The following NOX3 variants were observed in gnomAD, a reference collection of about 807,000 sequenced individuals.
NOX3 encodes NADPH oxidase 3.
Under a neutral mutation model 76.7 loss-of-function variants are expected in NOX3, and 74 were observed. That is an observed-to-expected ratio of 0.96 (90% CI 0.80 to 1.17). The LOEUF (loss-of-function observed/expected upper bound fraction) is 1.17. Among genes scored for constraint, NOX3 ranks in the 50% most tolerant of loss-of-function variants. The pLI, the probability that NOX3 is intolerant of heterozygous loss-of-function variation, is 0.00. For missense variants in NOX3, 695 were observed against 703.3 expected (o/e 0.99, Z 0.13); for synonymous variants, 263 against 261.1 (o/e 1.01, Z -0.07).
At chr6:155,399,050 C>T (rs577572942) in intron 12 of NOX3, among the ~76,000 whole-genome samples, 3 of 152,304 alleles carry the variant, frequency 2.0e-5, no homozygotes, top group African/African-American at 7.2e-5. Flanking sequence ...TTACTGAGAT[C>T]AGCACTAGAT....
At chr6:155,414,600 CT>C (rs1040549534) in intron 10 of NOX3, among the ~76,000 whole-genome samples, 10 of 143,694 alleles carry the variant, frequency 7.0e-5, no homozygotes, top group Non-Finnish European at 7.6e-5. Context: ...TCATCCAACA[CT>C]TTTTTTTCTT....
chr6:155,404,122 TATATA>T (rs1384045837), intron 12 of NOX3, among the ~76,000 whole-genome samples: 4 of 138,118 alleles, frequency 2.9e-5, no homozygotes, highest in Admixed American at 7.2e-5. Context: ...TATATATATA[TATATA>T]TTTTTTTTTT....
At chr6:155,403,915 AAAATAAAT>A (rs561681617) in intron 12 of NOX3, among the ~76,000 whole-genome samples, 1 of 151,880 alleles carries the variant, frequency 6.6e-6, no homozygotes, top group Non-Finnish European at 1.5e-5. Flanking sequence ...TTTGTGTGTA[AAAATAAAT>A]AAATAAATAA....
chr6:155,417,353 T>C (rs946885609), intron 10 of NOX3, among the ~76,000 whole-genome samples: 8 of 152,198 alleles, frequency 5.3e-5, no homozygotes, highest in African/African-American at 1.7e-4. Context: ...GGGAGGTGTT[T>C]AGTTTGGGGA....
chr6:155,396,714 G>A (rs540237025), intron 13 of NOX3, 95 bp downstream of exon 13: 37 of 951,658 alleles, frequency 3.9e-5, no homozygotes, highest in African/African-American at 2.3e-4. Context: ...GTTGAGAGTC[G>A]GACCATACAG....
rs1562469792 is a variant in NOX3, at chr6:155,440,066, C to CAAGA, written c.554_557dup (p.Leu186PhefsTer9). ...TGAACTCAGTTGACGAGGTCATGAT[C>CAAGA]AAGACTAAAGCCAGAGAGATCACCA... On this transcript the variant is annotated frameshift_variant, in exon 6 of 14. Coordinates refer to ENST00000159060, the MANE Select transcript of NOX3 (RefSeq NM_015718.3). LOFTEE classifies it high-confidence loss of function. 6.2e-7 allele frequency: 1 copy of CAAGA among 1,613,894 alleles called. No homozygotes were observed. The highest frequency in any genetic ancestry group is 1.7e-5 in the Admixed American group (1 of 59,992).
chr6:155,437,516 C>T (rs1472193066), intron 6 of NOX3, among the ~76,000 whole-genome samples: 1 of 152,182 alleles, frequency 6.6e-6, no homozygotes, highest in East Asian at 1.9e-4. Context: ...GAACTGACAT[C>T]TTGGCTTTTG....
chr6:155,454,150 G>T (rs573963647), intron 3 of NOX3, among the ~76,000 whole-genome samples: 1 of 152,112 alleles, frequency 6.6e-6, no homozygotes, highest in East Asian at 1.9e-4. Flanking sequence ...AAAAAATGGC[G>T]CTAGTATACT....
rs778633760 is a variant in NOX3 at position 155,440,066 on chromosome 6, C to T, written c.558G>A (p.Leu186=). 3.1e-6 allele frequency: 5 copies of T among 1,613,776 alleles called. No homozygotes were observed. In the African/African-American group the frequency reaches 4.0e-5, roughly 13 times the overall value. ...TGLVISLALV[L]IMTSSTEFIR... Reference sequence around the variant, plus strand: ...TGAACTCAGTTGACGAGGTCATGATCAAGACTAAAGCCAGAGAGATCACCA... The same window carrying T: ...TGAACTCAGTTGACGAGGTCATGATTAAGACTAAAGCCAGAGAGATCACCA... Residue 186 remains leucine, a synonymous_variant, in exon 6 of 14, where the codon TTG becomes TTA. Transcript: ENST00000159060.
chr6:155,455,566 C>T (rs970731471), intron 1 of NOX3, among the ~76,000 whole-genome samples, 187 bp downstream of exon 1: 5 of 152,132 alleles, frequency 3.3e-5, no homozygotes, highest in East Asian at 1.9e-4. Flanking sequence ...TGAGCTCAAT[C>T]GGAAAACAAC....
intron 10 of NOX3, among the ~76,000 whole-genome samples, chr6:155,414,145 A>G (rs1239496225): frequency 6.6e-6 from 1 of 152,238 alleles, no homozygotes; most frequent in Non-Finnish European, 1.5e-5. Context: ...CTATGGAGGA[A>G]AAATGGATAG....
intron 10 of NOX3, among the ~76,000 whole-genome samples, chr6:155,411,712 C>T (rs896639185): frequency 2.0e-5 from 3 of 152,162 alleles, no homozygotes; most frequent in South Asian, 2.1e-4. Flanking sequence ...GGGGATAAAC[C>T]GTTAGACCAA....
chr6:155,413,914 C>G (rs985010296), intron 10 of NOX3, among the ~76,000 whole-genome samples: 4 of 152,220 alleles, frequency 2.6e-5, no homozygotes, highest in African/African-American at 9.6e-5. Flanking sequence ...TAGTCCCAGT[C>G]GTCCTTTCTT....
chr6:155,426,080 T>C (rs1209932486), intron 9 of NOX3, among the ~76,000 whole-genome samples: 1 of 152,224 alleles, frequency 6.6e-6, no homozygotes, highest in Admixed American at 6.5e-5. Context: ...AACTGTAAAA[T>C]CATCCAAGGA....
rs140898590 is a variant in NOX3, at chr6:155,440,145, A to C, written c.487-8T>G. 873 of 1,553,024 alleles carry C rather than the reference A, an allele frequency of 5.6e-4. No individual in the cohort carries two copies. Among genetic ancestry groups the C allele is most frequent in the African/African-American group, 1.9e-3 (137 of 71,874 alleles). On this transcript the variant is annotated splice_region_variant and splice_polypyrimidine_tract_variant and intron_variant, in intron 5 of 13. Transcript: ENST00000159060. ...CAATTCAGTGGTTGTGTTCTAAAAA[A>C]AACAACAACAACAAAAAAAGAAACA...
chr6:155,397,658 T>C (rs1342966964), intron 12 of NOX3, among the ~76,000 whole-genome samples: 1 of 152,234 alleles, frequency 6.6e-6, no homozygotes, highest in East Asian at 1.9e-4. Context: ...TTGTATGTTT[T>C]ATCAAAAGCA....
At chr6:155,418,231 T>C (rs994931184) in intron 10 of NOX3, among the ~76,000 whole-genome samples, 2 of 152,214 alleles carry the variant, frequency 1.3e-5, no homozygotes, top group African/African-American at 4.8e-5. Context: ...TAATTTTTTT[T>C]CAAGAGCTCT....
At chr6:155,418,815 G>A (rs1354648220) in intron 10 of NOX3, among the ~76,000 whole-genome samples, 1 of 152,170 alleles carries the variant, frequency 6.6e-6, no homozygotes, top group Non-Finnish European at 1.5e-5. Flanking sequence ...AAACTTTGGT[G>A]CACATTTTTT....
At chr6:155,435,879 C>A (rs574731033) in intron 7 of NOX3, among the ~76,000 whole-genome samples, 1 of 152,344 alleles carries the variant, frequency 6.6e-6, no homozygotes, top group South Asian at 2.1e-4. Context: ...ATCTTCTTGG[C>A]TAACATCATC....
Sources: gnomAD v4.1 joint callset for allele counts (sites outside exome capture counted in the v4.1 genomes callset) on GRCh38, gnomAD v4.1.1 for gene constraint, MANE v1.5 for transcripts, NCBI Gene and HGNC (gene_info 2026-07-23, HGNC 2026-07-21) for gene names.